TCIRG1: variants seen among roughly 807,000 people sequenced by gnomAD.
The protein encoded by TCIRG1 is T cell immune regulator 1, ATPase H+ transporting V0 subunit a3, also known as V-type proton ATPase 116 kDa subunit a 3.
TCIRG1 carries 86 observed loss-of-function variants against 95.5 expected under a neutral mutation model. The observed-to-expected ratio is 0.90, with a 90% CI of 0.76 to 1.08. The LOEUF is 1.08. Ranked by LOEUF, TCIRG1 falls within the 50% of genes least tolerant of loss-of-function variation. The pLI is 0.00. For synonymous variants in TCIRG1, 499 were observed against 501.3 expected (o/e 1.00, Z 0.06); for missense variants, 1,069 against 1,140.2 (o/e 0.94, Z 0.90).
Position 68,042,769 on chromosome 11 carries a change from T to C in TCIRG1, c.323T>C (p.Leu108Pro). 1.3e-6 allele frequency: 2 copies of C among 1,547,782 alleles called. No homozygotes were observed. The highest frequency in any genetic ancestry group is 1.7e-6 in the Non-Finnish European group (2 of 1,146,444). Residue 108 changes from leucine (L) to proline (P), a missense_variant, in exon 4 of 20, where the codon CTG becomes CCG. Transcript: ENST00000265686. ...QEETERLAQE[L>P]RDVRGNQQAL... is the part of the protein sequence containing the mutation. Reference sequence around the variant, plus strand: ...GAGACGGAGCGCCTGGCCCAGGAGCTGCGGGATGTGCGGGGCAACCAGCAG... The same window carrying C: ...GAGACGGAGCGCCTGGCCCAGGAGCCGCGGGATGTGCGGGGCAACCAGCAG...
At chr11:68,047,396 G>T (rs3888690) in intron 10 of TCIRG1, 37 bp from the exon 11 acceptor site, 122,595 of 1,611,526 alleles carry the variant, frequency 0.076, 5,041 homozygotes, top group African/African-American at 0.098. Flanking sequence ...ATGCTGGTGT[G>T]TTCGGGGGTT....
chr11:68,040,764 C>T (rs1855120849), intron 1 of TCIRG1, among the ~76,000 whole-genome samples: 2 of 152,220 alleles, frequency 1.3e-5, no homozygotes, highest in African/African-American at 4.8e-5. Flanking sequence ...GGGGACAGCC[C>T]CCCCACAGCA....
At position 68,042,860 on chromosome 11, in the gene TCIRG1, TCAGGTCAGCTCCCACC is replaced by T. The variant is rs1407719483; in HGVS notation, c.417+2_417+17del. ...CCGTGCTACGCCAGGGCCATGAACC[TCAGGTCAGCTCCCACC>T]CAGGCAGGAGACTGGGGGGCTGGGG... On this transcript the variant is annotated splice_donor_variant and splice_donor_5th_base_variant and coding_sequence_variant and intron_variant, in exon 4 of 20. Coordinates refer to ENST00000265686, the MANE Select transcript of TCIRG1 (RefSeq NM_006019.4). LOFTEE classifies it high-confidence loss of function. 2.6e-6 allele frequency: 4 copies of T among 1,549,490 alleles called. No homozygotes were observed. In the Admixed American group the frequency reaches 7.8e-5, roughly 30 times the overall value.
chr11:68,044,982 G>A lies in TCIRG1; in HGVS notation c.1045G>A (p.Ala349Thr). Residue 349 changes from alanine to threonine, a missense_variant, in exon 10 of 20, where the codon GCT becomes ACT. By Grantham distance (58) the Ala-to-Thr change is moderately conservative (BLOSUM62 0). Coordinates refer to ENST00000265686, the MANE Select transcript of TCIRG1 (RefSeq NM_006019.4). ...GATGGAGGAGGGAGTGAGTGCCGTG[G>A]CTCACCGCATCCCCTGCCGGGACAT... ...SSMEEGVSAV[A>T]HRIPCRDMPP... The A allele has an allele frequency of 6.2e-7, 1 of 1,608,512 alleles. No homozygotes were observed. Among genetic ancestry groups the A allele is most frequent in the Non-Finnish European group, 8.5e-7 (1 of 1,179,978 alleles).
chr11:68,048,951 G>T lies in TCIRG1; in HGVS notation c.1627G>T (p.Val543Phe). Residue 543 changes from valine to phenylalanine, a missense_variant, in exon 14 of 20, where the codon GTC becomes TTC. Coordinates refer to ENST00000265686, the MANE Select transcript of TCIRG1 (RefSeq NM_006019.4). ...GATGAAGATGTCCGTCATCCTGGGC[G>T]TCGTGCACATGGCCTTTGGGGTGGT... ...FKMKMSVILGVVHMAFGVVLG... is the reference protein window; with the variant it reads ...FKMKMSVILGFVHMAFGVVLG... The T allele has an allele frequency of 6.2e-7, 1 of 1,613,744 alleles. No individual in the cohort carries two copies. Among genetic ancestry groups the T allele is most frequent in the Non-Finnish European group, 8.5e-7 (1 of 1,180,038 alleles).
At chr11:68,049,835 C>T (rs1337737996) in intron 16 of TCIRG1, 47 bp downstream of exon 16, 3 of 1,556,314 alleles carry the variant, frequency 1.9e-6, no homozygotes, top group Non-Finnish European at 2.6e-6. Context: ...GGGGAGAGGC[C>T]ACTGTCCGGT....
rs149456003 is a variant in TCIRG1, at chr11:68,043,719, C to T, written c.713+66C>T. 5.5e-4 allele frequency: 853 copies of T among 1,539,980 alleles called. 5 individuals carry two copies. In the African/African-American group the frequency reaches 9.6e-3, roughly 17 times the overall value. ...AGGCCCCTGCTGTCACCTCCCAGCC[C>T]GCCCTATCGTGACTCCTCCCCATGA... is the stretch of plus-strand genomic sequence containing the variant. On this transcript the variant is annotated intron_variant, in intron 7 of 19. Coordinates refer to ENST00000265686, the MANE Select transcript of TCIRG1 (RefSeq NM_006019.4).
chr11:68,047,644 C>G lies in TCIRG1; in HGVS notation c.1306-3C>G, dbSNP rs764774078. 3.1e-6 allele frequency: 5 copies of G among 1,613,312 alleles called. No homozygotes were observed. Among genetic ancestry groups the G allele is most frequent in the South Asian group, 1.1e-5 (1 of 91,088 alleles). On this transcript the variant is annotated splice_polypyrimidine_tract_variant and splice_region_variant and intron_variant, in intron 11 of 19. Coordinates refer to ENST00000265686, the MANE Select transcript of TCIRG1 (RefSeq NM_006019.4). ...GCCCCTCACCACACCACTGCCCCCC[C>G]AGATCTGGCAGACTTTCTTCAGGGG... is the stretch of plus-strand genomic sequence containing the variant.
At chr11:68,048,005 G>A (rs1302883197) in intron 13 of TCIRG1, 33 bp downstream of exon 13, 1 of 1,594,250 alleles carries the variant, frequency 6.3e-7, no homozygotes. Context: ...CGTGGGTGGT[G>A]AAGGCAGCTG....
intron 10 of TCIRG1, chr11:68,047,006 CT>C (rs5792432): frequency 0.02 from 6,260 of 317,072 alleles, no homozygotes; most frequent in East Asian, 0.028. Flanking sequence ...GTGGTGGGTT[CT>C]TTTTTTTTTT....
At chr11:68,040,955 T>G (rs1590799388) in intron 1 of TCIRG1, among the ~76,000 whole-genome samples, 1 of 149,488 alleles carries the variant, frequency 6.7e-6, no homozygotes, top group Non-Finnish European at 1.5e-5. Flanking sequence ...GAGGCCAGAG[T>G]GAAGGTGGGG....
rs765496480 is a variant in TCIRG1, at chr11:68,049,327, C to T, written c.1887+33C>T. 47 of 1,587,590 alleles carry T rather than the reference C, an allele frequency of 3.0e-5. 1 individual carries two copies. In the Middle Eastern group the frequency reaches 6.9e-4, roughly 23 times the overall value. ...GCGGCTGGTGGGGGCCGGGCTCACA[C>T]GGCCTCATGGGGACCCCGCGGTCAC... is the stretch of plus-strand genomic sequence containing the variant. On this transcript the variant is annotated intron_variant, in intron 15 of 19. Coordinates refer to ENST00000265686, the MANE Select transcript of TCIRG1 (RefSeq NM_006019.4).
downstream of TCIRG1, chr11:68,050,945 G>C (rs1333601030): frequency 5.5e-6 from 6 of 1,093,524 alleles, no homozygotes. Context: ...AGGTGGCAGG[G>C]TAGAAGGCAT....
Position 68,041,780 on chromosome 11 carries a change from A to C in TCIRG1, c.145A>C (p.Arg49=). The change falls in exon 3 of 20, where the codon AGA becomes CGA. Residue 49 remains arginine, a synonymous_variant. Transcript: ENST00000265686. ...DLNASVSAFQ[R]RFVVDVRRCE... ...CAACGCCTCGGTGAGCGCCTTCCAG[A>C]GACGCTTTGTGGTTGATGTTCGGCG... is the stretch of plus-strand genomic sequence containing the variant. The C allele has an allele frequency of 6.2e-7, 1 of 1,610,600 alleles. No individual in the cohort carries two copies. The highest frequency in any genetic ancestry group is 8.5e-7 in the Non-Finnish European group (1 of 1,178,690).
downstream of TCIRG1, chr11:68,053,449 T>TA (rs1401019041): frequency 6.5e-6 from 1 of 152,934 alleles, no homozygotes; most frequent in African/African-American, 2.4e-5. Context: ...ACCAAGAGGG[T>TA]AAAGGAGCAG....
chr11:68,049,010 G>A lies in TCIRG1; in HGVS notation c.1673+13G>A, dbSNP rs372404641. ...TCTTCAACCACGTGTGAGGGCCAAG[G>A]CTGCCCGGGGGACGGGAGGCTGGCA... On this transcript the variant is annotated intron_variant, in intron 14 of 19. Coordinates refer to ENST00000265686, the MANE Select transcript of TCIRG1 (RefSeq NM_006019.4). 1.9e-4 allele frequency: 306 copies of A among 1,613,070 alleles called. 1 individual carries two copies. The highest frequency in any genetic ancestry group is 1.3e-4 in the Non-Finnish European group (157 of 1,179,826).
chr11:68,047,376 C>T (rs72926467), intron 10 of TCIRG1, 57 bp from the exon 11 acceptor site: 50,495 of 1,575,448 alleles, frequency 0.032, 932 homozygotes, highest in Middle Eastern at 0.039. Context: ...CGTCTTGGGC[C>T]GGGAGGCAGA....
At chr11:68,041,982 G>A in intron 3 of TCIRG1, 151 bp downstream of exon 3, 1 of 768,806 alleles carries the variant, frequency 1.3e-6, no homozygotes, top group Non-Finnish European at 2.2e-6. Context: ...AGAGCAGCTG[G>A]GATCTGTGAA....
At chr11:68,043,193 C>G in intron 5 of TCIRG1, 162 bp downstream of exon 5, 1 of 1,493,048 alleles carries the variant, frequency 6.7e-7, no homozygotes, top group Non-Finnish European at 8.9e-7. Context: ...CAAGCCCTAG[C>G]CCTAGGGGGT....
Sources: allele counts gnomAD v4.1 joint callset (sites outside exome capture counted in the v4.1 genomes callset), GRCh38; gene constraint gnomAD v4.1.1; transcripts MANE v1.5; gene names NCBI Gene and HGNC (gene_info 2026-07-23, HGNC 2026-07-21).